The following ACTL6B variants were observed in gnomAD, a reference collection of about 807,000 sequenced individuals.
ACTL6B encodes actin like 6B.
In ACTL6B, 48 loss-of-function variants were observed where a neutral mutation model predicts 63.3. That is an observed-to-expected ratio of 0.76 (90% confidence interval 0.60 to 0.96). The LOEUF (loss-of-function observed/expected upper bound fraction) is 0.96. ACTL6B is among the 50% of genes least tolerant of loss of function. The pLI is 0.00. For missense variants in ACTL6B, 350 were observed against 572.2 expected (o/e 0.61, Z 3.96); for synonymous variants, 230 against 223.8 (o/e 1.03, Z -0.25).
At chr7:100,649,946 C>T (rs1803903543) in intron 5 of ACTL6B, 92 bp downstream of exon 5, 1 of 1,180,498 alleles carries the variant, frequency 8.5e-7, no homozygotes. Context: ...TTCAGAGAAC[C>T]AGGCCTGACC....
At chr7:100,650,173 G>C in intron 4 of ACTL6B, 38 bp from the exon 5 acceptor site, 1 of 1,589,254 alleles carries the variant, frequency 6.3e-7, no homozygotes, top group South Asian at 1.1e-5. Flanking sequence ...TTCAGGAAGG[G>C]AGAGGCACAG....
rs1361800585 is a variant in ACTL6B, at chr7:100,655,896, G to C, written c.26-17C>G. The C allele has an allele frequency of 6.4e-7, 1 of 1,556,708 alleles. No homozygotes were observed. The highest frequency in any genetic ancestry group is 1.4e-5 in the African/African-American group (1 of 73,230). Reference sequence around the variant, plus strand: ...CCACCTCATCTGTGCGGGGAGACAGGCCTGTAAGGGGACCTCCCCCGAACT... The same window carrying C: ...CCACCTCATCTGTGCGGGGAGACAGCCCTGTAAGGGGACCTCCCCCGAACT... On this transcript the variant is annotated splice_polypyrimidine_tract_variant and intron_variant, in intron 1 of 13. Coordinates refer to ENST00000160382, the MANE Select transcript of ACTL6B (RefSeq NM_016188.5). This position sits in a 1 kb window ranked among gnomAD's most constrained non-coding sequence, Gnocchi z 4.4.
At chr7:100,645,636 C>G (rs1803806324) in intron 13 of ACTL6B, among the ~76,000 whole-genome samples, 1 of 148,304 alleles carries the variant, frequency 6.7e-6, no homozygotes, top group Non-Finnish European at 1.5e-5. Context: ...CCTCTACTCC[C>G]AATTTTTTTT....
chr7:100,647,148 C>T lies in ACTL6B; in HGVS notation c.822-63G>A. On this transcript the variant is annotated intron_variant, in intron 9 of 13. Coordinates refer to ENST00000160382, the MANE Select transcript of ACTL6B (RefSeq NM_016188.5). The surrounding 1 kb of genome is among the most constrained non-coding windows in gnomAD (Gnocchi z 4.4). ...AAGAAGGATCAGTGCGTGGGCAGCA[C>T]CAGAGCCCCCCAGCCCACCCCAAGA... 1 of 1,609,198 alleles carries T rather than the reference C, an allele frequency of 6.2e-7. No individual in the cohort carries two copies. Among genetic ancestry groups the T allele is most frequent in the Non-Finnish European group, 8.5e-7 (1 of 1,175,810 alleles).
rs969997928 is a variant in ACTL6B at position 100,655,946 on chromosome 7, G to A, written c.26-67C>T. The A allele has an allele frequency of 2.7e-6, 4 of 1,482,924 alleles. No homozygotes were observed. Among genetic ancestry groups the A allele is most frequent in the Non-Finnish European group, 3.7e-6 (4 of 1,095,484 alleles). 91.9% of individuals were successfully genotyped at this position (1,482,924 alleles called of 1,614,324 possible). A position where few individuals can be genotyped will look rare whatever the true frequency, so the allele number is the denominator to read the frequency against. On this transcript the variant is annotated intron_variant, in intron 1 of 13. Transcript: ENST00000160382. The surrounding 1 kb of genome is among the most constrained non-coding windows in gnomAD (Gnocchi z 4.4). ...TCTCTCCCGCTAGGTAGCTCCGAGA[G>A]AAAGTCAGGGCAGAGCCACAGTCTC...
chr7:100,652,386 C>T (rs1803956204), intron 4 of ACTL6B, among the ~76,000 whole-genome samples: 1 of 148,328 alleles, frequency 6.7e-6, no homozygotes, highest in Admixed American at 6.8e-5. Context: ...CGCACCACTG[C>T]ACTCCAGCCT....
chr7:100,652,180 C>T (rs1025987992), intron 4 of ACTL6B, among the ~76,000 whole-genome samples: 6 of 151,852 alleles, frequency 4.0e-5, no homozygotes, highest in Non-Finnish European at 7.4e-5. Flanking sequence ...CGGCGGATCG[C>T]GAGGTCAGGA....
chr7:100,645,259 T>C (rs1374882721), intron 13 of ACTL6B, among the ~76,000 whole-genome samples: 1 of 151,880 alleles, frequency 6.6e-6, no homozygotes. Context: ...CAGATGCGGG[T>C]TGCAACTCCA....
At position 100,656,314 on chromosome 7, in the gene ACTL6B, C is replaced by G. The variant is rs754776026; in HGVS notation, c.25+16G>C. 3.0e-5 allele frequency: 42 copies of G among 1,385,356 alleles called. 1 individual carries two copies. In the South Asian group the frequency reaches 4.3e-4, roughly 14 times the overall value. The allele number at this position is 1,385,356 out of a possible 1,614,324, so 85.8% of individuals were successfully genotyped here. The stretch of plus-strand genomic sequence containing the variant: ...AACGCAGGGCTGCGGGAGCCGGGGG[C>G]CCGAGGCTCGCTCACCTCCGCCGTA... On this transcript the variant is annotated intron_variant, in intron 1 of 13. Transcript: ENST00000160382.
Position 100,655,524 on chromosome 7 carries a change from C to T in ACTL6B, c.165G>A (p.Glu55=). 1.2e-6 allele frequency: 2 copies of T among 1,614,182 alleles called. No homozygotes were observed. The highest frequency in any genetic ancestry group is 1.1e-5 in the South Asian group (1 of 91,080). The change falls in exon 3 of 14, where the codon GAG becomes GAA. Residue 55 remains glutamate, a synonymous_variant. Coordinates refer to ENST00000160382, the MANE Select transcript of ACTL6B (RefSeq NM_016188.5). The surrounding 1 kb of genome is among the most constrained non-coding windows in gnomAD (Gnocchi z 4.4). ...TCTTCCCTTTCTTCTCTTTGTCCCC[C>T]TCCAGCTCCAGCCCGCCCCCCTCCT... ...AAEEGGGLEL[E]GDKEKKGKIF...
At chr7:100,644,926 C>T (rs1249730100) in intron 13 of ACTL6B, among the ~76,000 whole-genome samples, 1 of 152,016 alleles carries the variant, frequency 6.6e-6, no homozygotes, top group Non-Finnish European at 1.5e-5. Context: ...CGTGGTGGCT[C>T]ACGCATGTAA....
At position 100,655,268 on chromosome 7, in the gene ACTL6B, C is replaced by T; in HGVS notation, c.269-149G>A. 1 of 1,213,350 alleles carries T rather than the reference C, an allele frequency of 8.2e-7. No individual in the cohort carries two copies. The highest frequency in any genetic ancestry group is 1.4e-5 in the South Asian group (1 of 71,932). 75.2% of individuals were successfully genotyped at this position (1,213,350 alleles called of 1,614,324 possible). On this transcript the variant is annotated intron_variant, in intron 3 of 13. Coordinates refer to ENST00000160382, the MANE Select transcript of ACTL6B (RefSeq NM_016188.5). The surrounding 1 kb of genome is among the most constrained non-coding windows in gnomAD (Gnocchi z 4.4). ...CCCCCTTCCCAGAAACCTGGTGGGC[C>T]CCTGGGAAGGGAACCCAGCGAGAAG...
At position 100,656,340 on chromosome 7, in the gene ACTL6B, G is replaced by A; in HGVS notation, c.15C>T (p.Val5=). 7.2e-7 allele frequency: 1 copy of A among 1,384,288 alleles called. No homozygotes were observed. The highest frequency in any genetic ancestry group is 9.4e-7 in the Non-Finnish European group (1 of 1,064,332). The allele number at this position is 1,384,288 out of a possible 1,614,324, so 85.8% of individuals were successfully genotyped here. Reference sequence around the variant, plus strand: ...CCGAGGCTCGCTCACCTCCGCCGTAGACGCCCCCGCTCATAGTGCCCGCTG... The same window carrying A: ...CCGAGGCTCGCTCACCTCCGCCGTAAACGCCCCCGCTCATAGTGCCCGCTG... MSGG[V]YGGDEVGALV... The change falls in exon 1 of 14, where the codon GTC becomes GTT. Residue 5 remains valine, a synonymous_variant. Transcript: ENST00000160382.
Position 100,646,300 on chromosome 7 carries a change from G to T in ACTL6B, c.1149C>A (p.Thr383=). 1 of 1,614,140 alleles carries T rather than the reference G, an allele frequency of 6.2e-7. No individual in the cohort carries two copies. Among genetic ancestry groups the T allele is most frequent in the South Asian group, 1.1e-5 (1 of 91,072 alleles). ...TCCAGGGGCTGAACTTGCGCTCCAT[G>T]GTGCTGTTGCTGGCAATGAGTTTCA... is the stretch of plus-strand genomic sequence containing the variant. ...MRLKLIASNS[T]MERKFSPWIG... The change falls in exon 13 of 14, where the codon ACC becomes ACA. Residue 383 remains threonine (T), a synonymous_variant. Coordinates refer to ENST00000160382, the MANE Select transcript of ACTL6B (RefSeq NM_016188.5). This position sits in a 1 kb window ranked among gnomAD's most constrained non-coding sequence, Gnocchi z 6.1.
intron 4 of ACTL6B, among the ~76,000 whole-genome samples, chr7:100,651,857 T>C (rs564565246): frequency 1.7e-4 from 26 of 151,878 alleles, no homozygotes; most frequent in African/African-American, 6.3e-4. Flanking sequence ...AGTGAGCCAC[T>C]GTCTCTGGCC....
chr7:100,655,698 C>T lies in ACTL6B; in HGVS notation c.102+105G>A. The stretch of plus-strand genomic sequence containing the variant: ...GCCCCTGGGTTTATTCCCATATTCC[C>T]GCTCAGCAGAGCTTCTGGGCGATCT... On this transcript the variant is annotated intron_variant, in intron 2 of 13. Coordinates refer to ENST00000160382, the MANE Select transcript of ACTL6B (RefSeq NM_016188.5). This position sits in a 1 kb window ranked among gnomAD's most constrained non-coding sequence, Gnocchi z 4.4. 2 of 1,510,618 alleles carry T rather than the reference C, an allele frequency of 1.3e-6. No homozygotes were observed. Among genetic ancestry groups the T allele is most frequent in the South Asian group, 2.5e-5 (2 of 78,968 alleles). The allele number at this position is 1,510,618 out of a possible 1,614,324, so 93.6% of individuals were successfully genotyped here.
In ACTL6B at chr7:100,655,677, C is replaced by T; in HGVS notation, c.103-91G>A. On this transcript the variant is annotated intron_variant, in intron 2 of 13. Coordinates refer to ENST00000160382, the MANE Select transcript of ACTL6B (RefSeq NM_016188.5). The surrounding 1 kb of genome is among the most constrained non-coding windows in gnomAD (Gnocchi z 4.4). ...CCACAGCAGGGTCCTCAGACCGCCCCTGGGTTTATTCCCATATTCCCGCTC... is the reference window on the plus strand; with the variant it reads ...CCACAGCAGGGTCCTCAGACCGCCCTTGGGTTTATTCCCATATTCCCGCTC... 2 of 1,523,532 alleles carry T rather than the reference C, an allele frequency of 1.3e-6. No individual in the cohort carries two copies. Among genetic ancestry groups the T allele is most frequent in the Non-Finnish European group, 1.8e-6 (2 of 1,132,400 alleles). 94.4% of individuals were successfully genotyped at this position (1,523,532 alleles called of 1,614,324 possible). A position where few individuals can be genotyped will look rare whatever the true frequency, so the allele number is the denominator to read the frequency against.
intron 4 of ACTL6B, among the ~76,000 whole-genome samples, chr7:100,651,771 A>G (rs76775566): frequency 0.02 from 2,971 of 151,822 alleles, 339 homozygotes; most frequent in Admixed American, 0.18. Context: ...TTTGGTAGAG[A>G]TAAGGTATCA....
chr7:100,656,009 G>A, intron 1 of ACTL6B, 130 bp from the exon 2 acceptor site: 1 of 972,246 alleles, frequency 1.0e-6, no homozygotes, highest in Non-Finnish European at 1.5e-6. Context: ...GTGGGAGCTG[G>A]GCCTGGAGTC....
Sources: gnomAD v4.1 joint callset for allele counts (sites outside exome capture counted in the v4.1 genomes callset) on GRCh38, gnomAD v4.1.1 for gene constraint, Gnocchi (gnomAD v3.1) non-coding constraint, MANE v1.5 for transcripts, NCBI Gene and HGNC (gene_info 2026-07-23, HGNC 2026-07-21) for gene names.